Variants in CUBN observed in about 807,000 individuals in gnomAD.
The protein encoded by CUBN is 460 kDa receptor.
CUBN carries 282 observed loss-of-function variants against 405.3 expected under a neutral mutation model. The ratio of observed to expected loss-of-function variants is 0.70; its 90% CI spans 0.63 to 0.77. CUBN has a LOEUF of 0.77. Among genes scored for constraint, CUBN ranks in the 30% least tolerant of loss-of-function variants. The pLI, the probability that CUBN is intolerant of heterozygous loss-of-function variation, is 0.00. For missense variants in CUBN, 4,514 were observed against 4,475.2 expected, an observed-to-expected ratio of 1.01 and a Z score of -0.25; for synonymous variants, 1,684 against 1,617.0, an observed-to-expected ratio of 1.04 and a Z score of -0.99.
At chr10:16,847,218 C>G (rs1024809920) in intron 60 of CUBN, among the ~76,000 whole-genome samples, 1 of 152,094 alleles carries the variant, frequency 6.6e-6, no homozygotes, top group African/African-American at 2.4e-5. Context: ...TTTGGGAGGC[C>G]GAGGCGGGCG....
chr10:16,877,602 C>T (rs980899222), intron 56 of CUBN, among the ~76,000 whole-genome samples: 2 of 152,136 alleles, frequency 1.3e-5, no homozygotes, highest in Non-Finnish European at 2.9e-5. Flanking sequence ...AAGCTTATGT[C>T]CAGATAAGGG....
chr10:16,860,941 G>T (rs928779058), intron 59 of CUBN, among the ~76,000 whole-genome samples: 1 of 152,090 alleles, frequency 6.6e-6, no homozygotes, highest in African/African-American at 2.4e-5. Flanking sequence ...ATGATAGCAC[G>T]CTCCAGCTCA....
At chr10:17,098,289 G>A (rs924544259) in intron 14 of CUBN, among the ~76,000 whole-genome samples, 26 of 152,166 alleles carry the variant, frequency 1.7e-4, no homozygotes, top group Admixed American at 1.7e-3. Context: ...ATTTCAAGTA[G>A]CAACTGTCAT....
Position 17,123,568 on chromosome 10 carries a change from C to A in CUBN, c.489+20G>T. The A allele has an allele frequency of 6.4e-7, 1 of 1,566,352 alleles. No homozygotes were observed. The highest frequency in any genetic ancestry group is 2.2e-5 in the East Asian group (1 of 44,658). On this transcript the variant is annotated intron_variant, in intron 5 of 66. Transcript: ENST00000377833. ...GATGCTGACCTGCCATCATTCTTAA[C>A]CAAAGAGTAGATGACTCACCTTCCA...
At chr10:16,885,855 C>T (rs2131391860) in intron 56 of CUBN, among the ~76,000 whole-genome samples, 1 of 152,260 alleles carries the variant, frequency 6.6e-6, no homozygotes. Context: ...TGTTGTTCCC[C>T]TGCTATTAAA....
intron 62 of CUBN, among the ~76,000 whole-genome samples, chr10:16,837,839 C>T (rs1451928629): frequency 6.6e-6 from 1 of 152,168 alleles, no homozygotes; most frequent in African/African-American, 2.4e-5. Flanking sequence ...AAACATTATT[C>T]AGTCATGACA....
chr10:17,084,250 C>A, intron 17 of CUBN, 21 bp downstream of exon 17: 1 of 1,610,870 alleles, frequency 6.2e-7, no homozygotes, highest in South Asian at 1.1e-5. Flanking sequence ...CATCTAAGGG[C>A]GATTGAGTAG....
At chr10:17,088,414 C>A in intron 14 of CUBN, 69 bp from the exon 15 acceptor site, 1 of 1,385,790 alleles carries the variant, frequency 7.2e-7, no homozygotes, top group East Asian at 2.4e-5. Context: ...TGATCAGAGC[C>A]CTTGGCGTAA....
intron 28 of CUBN, among the ~76,000 whole-genome samples, chr10:17,000,663 A>G (rs1471881057): frequency 6.6e-6 from 1 of 152,190 alleles, no homozygotes; most frequent in Non-Finnish European, 1.5e-5. Flanking sequence ...TGGGGAAAAA[A>G]TATTTGCTTT....
At chr10:16,975,043 GT>G (rs60646102) in intron 31 of CUBN, among the ~76,000 whole-genome samples, 2,275 of 152,258 alleles carry the variant, frequency 0.015, 52 homozygotes, top group African/African-American at 0.051. Flanking sequence ...GGACTTGAAA[GT>G]TGTATGTAGA....
At chr10:16,851,109 T>A (rs1021326302) in intron 60 of CUBN, 126 bp downstream of exon 60, 9 of 742,450 alleles carry the variant, frequency 1.2e-5, no homozygotes, top group Non-Finnish European at 1.9e-5. Flanking sequence ...GAAGAAAAGG[T>A]CATTTTAAAA....
chr10:16,960,278 G>A (rs776433721), intron 31 of CUBN, among the ~76,000 whole-genome samples: 98 of 152,216 alleles, frequency 6.4e-4, no homozygotes, highest in South Asian at 1.2e-3. Context: ...GATCACCTGA[G>A]GTCAGGAGTT....
intron 31 of CUBN, among the ~76,000 whole-genome samples, chr10:16,974,160 G>C (rs1217810082): frequency 2.0e-5 from 3 of 152,120 alleles, no homozygotes; most frequent in Non-Finnish European, 4.4e-5. Context: ...ATCTGACCTA[G>C]GTCCTCTTAT....
chr10:16,835,550 CA>C (rs1156902094), intron 63 of CUBN, among the ~76,000 whole-genome samples: 2 of 151,382 alleles, frequency 1.3e-5, no homozygotes, highest in African/African-American at 4.9e-5. Flanking sequence ...ACCTCCAAGA[CA>C]GAGTTTTGCA....
At chr10:16,924,031 G>A (rs553208395) in intron 43 of CUBN, among the ~76,000 whole-genome samples, 26 of 152,080 alleles carry the variant, frequency 1.7e-4, no homozygotes, top group Admixed American at 5.9e-4. Flanking sequence ...AGATCATGCC[G>A]CTGTACTCTA....
chr10:17,012,479 G>A (rs10904864), intron 28 of CUBN, among the ~76,000 whole-genome samples: 97,914 of 152,016 alleles, frequency 0.64, 31,892 homozygotes, highest in African/African-American at 0.75. Context: ...CACTGCTGCC[G>A]AAGAGTCTAT....
intron 59 of CUBN, among the ~76,000 whole-genome samples, chr10:16,865,312 T>A (rs1156858670): frequency 6.6e-6 from 1 of 152,136 alleles, no homozygotes; most frequent in African/African-American, 2.4e-5. Flanking sequence ...TAATTCATTC[T>A]GTCCTTGTTA....
chr10:17,005,091 T>C (rs532421543), intron 28 of CUBN, among the ~76,000 whole-genome samples: 57 of 152,318 alleles, frequency 3.7e-4, no homozygotes, highest in African/African-American at 1.2e-3. Context: ...TTCTAAAGTG[T>C]ACTTCTGTTT....
At chr10:16,937,507 C>G (rs1214212373) in intron 39 of CUBN, 85 bp downstream of exon 39, 1 of 1,156,468 alleles carries the variant, frequency 8.6e-7, no homozygotes, top group African/African-American at 1.5e-5. Flanking sequence ...ATTTTTATAT[C>G]TGACCCCTGT....
Sources: allele counts gnomAD v4.1 joint callset (sites outside exome capture counted in the v4.1 genomes callset), GRCh38; gene constraint gnomAD v4.1.1; transcripts MANE v1.5; gene names NCBI Gene and HGNC (gene_info 2026-07-23, HGNC 2026-07-21).